ANKLE2: variants seen among roughly 807,000 people sequenced by gnomAD.
ANKLE2 encodes the protein ankyrin repeat and LEM domain containing 2, also known as ankyrin repeat and LEM domain-containing protein 2.
A neutral mutation model predicts 84.2 loss-of-function variants in ANKLE2; 55 were observed. That is an observed-to-expected ratio of 0.65 (90% CI 0.53 to 0.82). The LOEUF (loss-of-function observed/expected upper bound fraction) is 0.82. Ranked by LOEUF, ANKLE2 falls within the 40% of genes least tolerant of loss-of-function variation. The pLI, the probability that ANKLE2 is intolerant of heterozygous loss-of-function variation, is 0.00. For missense variants in ANKLE2, 1,238 were observed against 1,201.9 expected (o/e 1.03, Z -0.44); for synonymous variants, 551 against 486.1 (o/e 1.13, Z -1.76).
In ANKLE2 at chr12:132,735,478, G is replaced by A; in HGVS notation, c.1628C>T (p.Pro543Leu). 6.2e-7 allele frequency: 1 copy of A among 1,613,772 alleles called. No homozygotes were observed. The highest frequency in any genetic ancestry group is 8.5e-7 in the Non-Finnish European group (1 of 1,179,954). The change falls in exon 9 of 13, where the codon CCT (proline) becomes CTT (leucine). Residue 543 changes from proline to leucine, a missense_variant. Physicochemically the swap from Pro to Leu is moderately conservative, Grantham distance 98. Around this residue, in one of 3 missense-constraint regions of ANKLE2, gnomAD observed 802 missense variants for 774.5 expected, o/e 1.04. Coordinates refer to ENST00000357997, the MANE Select transcript of ANKLE2 (RefSeq NM_015114.3). ...GTGAAGGAAGCCTGCTTTCTCTCGAGGTGGAGTTTTCCAGAGCTTGCGAAA... is the reference window on the plus strand; with the variant it reads ...GTGAAGGAAGCCTGCTTTCTCTCGAAGTGGAGTTTTCCAGAGCTTGCGAAA... ...EDFRKLWKTP[P>L]REKAGFLHHV...
intron 5 of ANKLE2, 114 bp downstream of exon 5, chr12:132,747,718 A>G (rs1389943060): frequency 1.5e-6 from 2 of 1,339,562 alleles, no homozygotes; most frequent in Non-Finnish European, 2.0e-6. Flanking sequence ...TAATTGATGT[A>G]TCTTTTCCCC....
At position 132,752,133 on chromosome 12, in the gene ANKLE2, G is replaced by C. The variant is rs1310429224; in HGVS notation, c.641-1284C>G. 2.0e-5 allele frequency among the ~76,000 whole-genome samples: 3 copies of C among 151,742 alleles called. No individual in the cohort carries two copies. The East Asian group carries it at 5.9e-4, about 30-fold the overall frequency. ...AGGCAGGTGGATCACCTGACGTTGAGAGTTTGAGACCAGCCTGACCAACGT... is the reference window on the plus strand; with the variant it reads ...AGGCAGGTGGATCACCTGACGTTGACAGTTTGAGACCAGCCTGACCAACGT... On this transcript the variant is annotated intron_variant, in intron 2 of 12. Transcript: ENST00000357997.
chr12:132,752,045 T>G (rs907816618), intron 2 of ANKLE2, among the ~76,000 whole-genome samples: 1 of 152,060 alleles, frequency 6.6e-6, no homozygotes, highest in African/African-American at 2.4e-5. Context: ...CACTACTGGA[T>G]AAAAATAGCC....
At position 132,743,370 on chromosome 12, in the gene ANKLE2, TTTA is replaced by T; in HGVS notation, c.1231-97_1231-95del. The T allele has an allele frequency of 4.2e-6, 6 of 1,419,618 alleles. No homozygotes were observed. In the South Asian group the frequency reaches 6.3e-5, roughly 15 times the overall value. 87.9% of individuals were successfully genotyped at this position (1,419,618 alleles called of 1,614,324 possible). ...ACATATTCATTCATTCATTCATTCA[TTTA>T]TTTATTTTGAGACGGAGTCTCACTG... On this transcript the variant is annotated intron_variant, in intron 5 of 12. Coordinates refer to ENST00000357997, the MANE Select transcript of ANKLE2 (RefSeq NM_015114.3). This position sits in a 1 kb window ranked among gnomAD's most constrained non-coding sequence, Gnocchi z 4.1.
At chr12:132,755,609 G>A (rs1405756503) in intron 1 of ANKLE2, 1 of 151,242 alleles carries the variant, frequency 6.6e-6, no homozygotes, top group African/African-American at 2.4e-5. Context: ...CGCACAGGCT[G>A]GAGTGCAGTG....
chr12:132,740,770 C>T (rs2044103887), intron 7 of ANKLE2, among the ~76,000 whole-genome samples: 1 of 151,418 alleles, frequency 6.6e-6, no homozygotes, highest in Admixed American at 6.6e-5. Context: ...GCACAGGGGC[C>T]AACAACTAGA....
chr12:132,741,019 A>G, intron 7 of ANKLE2, among the ~76,000 whole-genome samples: 1 of 152,156 alleles, frequency 6.6e-6, no homozygotes, highest in East Asian at 1.9e-4. Flanking sequence ...CCAGCCACCC[A>G]GCCAAGGAGC....
intron 1 of ANKLE2, 53 bp downstream of exon 1, chr12:132,761,565 C>A: frequency 8.4e-6 from 10 of 1,189,708 alleles, no homozygotes; most frequent in Non-Finnish European, 1.0e-5. Context: ...AGGAGGGCGT[C>A]GGGGCGGGGA....
At chr12:132,734,607 T>A in intron 9 of ANKLE2, 32 bp from the exon 10 acceptor site, 2 of 1,570,662 alleles carry the variant, frequency 1.3e-6, no homozygotes, top group Non-Finnish European at 8.6e-7. Context: ...TAACCAGCTG[T>A]GAAACCAGAA....
At chr12:132,733,656 C>G (rs1444414152) in intron 10 of ANKLE2, among the ~76,000 whole-genome samples, 3 of 151,510 alleles carry the variant, frequency 2.0e-5, no homozygotes, top group Admixed American at 6.6e-5. Context: ...CTGAAATACA[C>G]TGTGTGAAGC....
Position 132,737,007 on chromosome 12 carries a change from C to G in ANKLE2, c.1479G>C (p.Glu493Asp), listed in dbSNP as rs550549440. Reference sequence around the variant, plus strand: ...CAGCCGTCTGGTCTGGGGACCACAGCTCCCCGATGACTGGAGAAGAAGTCT... The same window carrying G: ...CAGCCGTCTGGTCTGGGGACCACAGGTCCCCGATGACTGGAGAAGAAGTCT... ...AEETSSPVIG[E>D]LWSPDQTAEA... The change falls in exon 8 of 13, where the codon GAG (glutamate) becomes GAC (aspartate). Residue 493 changes from glutamate (E) to aspartate (D), a missense_variant. By Grantham distance (45) the Glu-to-Asp change is conservative (BLOSUM62 2). Transcript: ENST00000357997. The G allele has an allele frequency of 3.1e-6, 5 of 1,613,156 alleles. No homozygotes were observed. The highest frequency in any genetic ancestry group is 3.4e-6 in the Non-Finnish European group (4 of 1,179,452).
In ANKLE2 at chr12:132,747,768, T is replaced by C. The variant is rs983911824; in HGVS notation, c.1230+64A>G. On this transcript the variant is annotated intron_variant, in intron 5 of 12. Transcript: ENST00000357997. ...AATGAGTAACTTGTCGATAAAGCAT[T>C]CTTTTGGGGAAAGACTTTTAACCAA... is the stretch of plus-strand genomic sequence containing the variant. 7.7e-6 allele frequency: 12 copies of C among 1,553,736 alleles called. No individual in the cohort carries two copies. The African/African-American group carries it at 1.5e-4, about 20-fold the overall frequency.
At chr12:132,752,012 G>A (rs902432665) in intron 2 of ANKLE2, among the ~76,000 whole-genome samples, 1 of 152,154 alleles carries the variant, frequency 6.6e-6, no homozygotes, top group Non-Finnish European at 1.5e-5. Flanking sequence ...TATGAACAAT[G>A]TAACAGACGA....
intron 10 of ANKLE2, chr12:132,731,578 GCA>G (rs2043847491): frequency 1.3e-5 from 2 of 151,850 alleles, no homozygotes; most frequent in African/African-American, 4.8e-5. Context: ...TTGTATTTTA[GCA>G]GATTCGAATC....
rs758225062 is a variant in ANKLE2, at chr12:132,741,409, C to T, written c.1420+10G>A. 6.2e-7 allele frequency: 1 copy of T among 1,613,898 alleles called. No individual in the cohort carries two copies. The highest frequency in any genetic ancestry group is 1.1e-5 in the South Asian group (1 of 90,884). On this transcript the variant is annotated intron_variant, in intron 7 of 12. Transcript: ENST00000357997. ...GACCCCACGATCCAGGCACCAACTC[C>T]CCATCTTACCCTTTAAATACTCTCT... is the stretch of plus-strand genomic sequence containing the variant.
chr12:132,750,806 A>T lies in ANKLE2; in HGVS notation c.684T>A (p.Ala228=), dbSNP rs758991569. The change falls in exon 3 of 13, where the codon GCT becomes GCA. Residue 228 remains alanine, a synonymous_variant. Transcript: ENST00000357997. The part of the protein sequence containing the change: ...VYENKKEALQ[A]VKMIKGSRFK... Reference sequence around the variant, plus strand: ...ATCGGGACCCTTTGATCATCTTGACAGCTTGCAATGCTTCCTTTTTATTTT... The same window carrying T: ...ATCGGGACCCTTTGATCATCTTGACTGCTTGCAATGCTTCCTTTTTATTTT... 1.2e-6 allele frequency: 2 copies of T among 1,614,220 alleles called. No homozygotes were observed. Among genetic ancestry groups the T allele is most frequent in the Admixed American group, 3.3e-5 (2 of 60,026 alleles).
rs2044435863 is a variant in ANKLE2 at position 132,754,666 on chromosome 12, TC to T, written c.640+8del. On this transcript the variant is annotated splice_region_variant and intron_variant, in intron 2 of 12. Coordinates refer to ENST00000357997, the MANE Select transcript of ANKLE2 (RefSeq NM_015114.3). ...CTGTGTGAGGAAATCCTACACACGG[TC>T]CCATTACCATTTCTCGCTGGGACGT... 6.3e-7 allele frequency: 1 copy of T among 1,592,602 alleles called. No individual in the cohort carries two copies. Among genetic ancestry groups the T allele is most frequent in the African/African-American group, 1.3e-5 (1 of 74,104 alleles).
chr12:132,728,324 G>A (rs1478076739), intron 11 of ANKLE2, among the ~76,000 whole-genome samples, 161 bp from the exon 12 acceptor site: 1 of 152,130 alleles, frequency 6.6e-6, no homozygotes, highest in Non-Finnish European at 1.5e-5. Flanking sequence ...CCGCCTCCCG[G>A]GTTCAAGCAA....
chr12:132,750,863 G>A lies in ANKLE2; in HGVS notation c.641-14C>T, dbSNP rs1214128252. On this transcript the variant is annotated splice_polypyrimidine_tract_variant and intron_variant, in intron 2 of 12. Transcript: ENST00000357997. ...CATAGATCCTTTCTGGGTAAGAAAA[G>A]TAACAAATGAAAATCAGAGAAGAGT... 1.9e-6 allele frequency: 3 copies of A among 1,610,970 alleles called. No individual in the cohort carries two copies. Among genetic ancestry groups the A allele is most frequent in the Admixed American group, 1.7e-5 (1 of 59,866 alleles).
Sources: gnomAD v4.1 joint callset for allele counts (sites outside exome capture counted in the v4.1 genomes callset) on GRCh38, gnomAD v4.1.1 for gene constraint, gnomAD v4.1.1 regional missense constraint, Gnocchi (gnomAD v3.1) non-coding constraint, MANE v1.5 for transcripts, NCBI Gene and HGNC (gene_info 2026-07-23, HGNC 2026-07-21) for gene names.